The following DNAJC1 variants were observed in gnomAD, a reference collection of about 807,000 sequenced individuals.
DNAJC1 encodes dnaJ homolog subfamily C member 1.
A neutral mutation model predicts 76.6 loss-of-function variants in DNAJC1; 58 were observed. That is an observed-to-expected ratio of 0.76 (90% confidence interval 0.61 to 0.94). DNAJC1 has a LOEUF of 0.94. Among genes scored for constraint, DNAJC1 ranks in the 40% least tolerant of loss-of-function variants. DNAJC1 has a pLI of 0.00. For synonymous variants in DNAJC1, 258 were observed against 267.9 expected, an observed-to-expected ratio of 0.96 and a Z score of 0.36; for missense variants, 689 against 677.3, an observed-to-expected ratio of 1.02 and a Z score of -0.19.
At chr10:21,856,741 A>ATT (rs34547710) in intron 8 of DNAJC1, among the ~76,000 whole-genome samples, 1 of 149,132 alleles carries the variant, frequency 6.7e-6, no homozygotes. Context: ...AGAAAAAAAA[A>ATT]TTTTTTTTTT....
chr10:21,974,762 G>GA (rs1340377457), intron 1 of DNAJC1, among the ~76,000 whole-genome samples: 3 of 151,908 alleles, frequency 2.0e-5, no homozygotes, highest in Non-Finnish European at 4.4e-5. Context: ...TTAAAATGGA[G>GA]AAAAAACGAT....
rs921574824 is a variant in DNAJC1 at position 21,845,082 on chromosome 10, G to C, written c.978+37200C>G. On this transcript the variant is annotated intron_variant, in intron 8 of 11. Transcript: ENST00000376980. Reference sequence around the variant, plus strand: ...CACACAGATTTTTAAATTTCCCTACGGTGGAGAGATTGTCTGGGTTTGGTA... The same window carrying C: ...CACACAGATTTTTAAATTTCCCTACCGTGGAGAGATTGTCTGGGTTTGGTA... Among the ~76,000 whole-genome samples the C allele has an allele frequency of 2.0e-5, 3 of 152,068 alleles. No homozygotes were observed. The East Asian group carries it at 5.8e-4, about 29-fold the overall frequency.
At chr10:21,829,923 T>G (rs1375691298) in intron 8 of DNAJC1, among the ~76,000 whole-genome samples, 1 of 152,254 alleles carries the variant, frequency 6.6e-6, no homozygotes, top group East Asian at 1.9e-4. Flanking sequence ...CTCAATTGGC[T>G]TGGAAGTTCT....
At chr10:21,907,437 T>C (rs960441292) in intron 6 of DNAJC1, among the ~76,000 whole-genome samples, 2 of 152,112 alleles carry the variant, frequency 1.3e-5, no homozygotes, top group African/African-American at 4.8e-5. Flanking sequence ...CTCTACATTG[T>C]TTCAACCATC....
chr10:21,950,806 C>T lies in DNAJC1; in HGVS notation c.223-21665G>A, dbSNP rs541909696. Among the ~76,000 whole-genome samples, 106 of 152,196 alleles carry T rather than the reference C, an allele frequency of 7.0e-4. No homozygotes were observed. The Middle Eastern group carries it at 0.031, about 44-fold the overall frequency. ...CAAGATAAAACCAACCACAACATTC[C>T]CTTGAGCCAGAGCCTAATCCAGGGC... On this transcript the variant is annotated intron_variant, in intron 1 of 11. Transcript: ENST00000376980.
At chr10:21,910,829 AAGGAG>A (rs71393924) in intron 6 of DNAJC1, among the ~76,000 whole-genome samples, 1,924 of 48,826 alleles carry the variant, frequency 0.039, 29 homozygotes, top group African/African-American at 0.039. Flanking sequence ...GAAAGAAAGG[AAGGAG>A]AGGAGAGGAG....
chr10:21,988,926 C>A (rs1476482955), intron 1 of DNAJC1, among the ~76,000 whole-genome samples: 1 of 152,170 alleles, frequency 6.6e-6, no homozygotes, highest in Non-Finnish European at 1.5e-5. Flanking sequence ...CAGTTCAGGA[C>A]TCTCCTCTGG....
chr10:21,924,884 T>TG (rs1184285415), intron 3 of DNAJC1, among the ~76,000 whole-genome samples: 1 of 152,218 alleles, frequency 6.6e-6, no homozygotes, highest in Non-Finnish European at 1.5e-5. Context: ...TACTGAACAC[T>TG]GTAGGCAATT....
chr10:21,831,789 C>CAAAAAAAAA (rs141184526), intron 8 of DNAJC1, among the ~76,000 whole-genome samples: 1 of 111,396 alleles, frequency 9.0e-6, no homozygotes. Flanking sequence ...GACTCCATCT[C>CAAAAAAAAA]AAAAAAAAAA....
intron 1 of DNAJC1, among the ~76,000 whole-genome samples, chr10:21,946,389 T>A (rs1489818783): frequency 6.6e-6 from 1 of 152,046 alleles, no homozygotes; most frequent in Non-Finnish European, 1.5e-5. Context: ...TTCAATTTCC[T>A]TAATTACAGA....
At chr10:21,942,693 C>A (rs986509597) in intron 1 of DNAJC1, among the ~76,000 whole-genome samples, 1 of 151,270 alleles carries the variant, frequency 6.6e-6, no homozygotes, top group Admixed American at 6.6e-5. Flanking sequence ...GTAGTCCCAG[C>A]TACTCAGGAT....
At chr10:21,776,540 G>C (rs922356887) in intron 9 of DNAJC1, among the ~76,000 whole-genome samples, 1 of 152,054 alleles carries the variant, frequency 6.6e-6, no homozygotes, top group Non-Finnish European at 1.5e-5. Flanking sequence ...CAAATACAAG[G>C]CATGTTCTGT....
At chr10:21,970,344 G>A (rs1047281787) in intron 1 of DNAJC1, among the ~76,000 whole-genome samples, 4 of 151,702 alleles carry the variant, frequency 2.6e-5, no homozygotes, top group African/African-American at 7.3e-5. Context: ...TGTTAAAGGA[G>A]GTCAACAGTA....
intron 8 of DNAJC1, among the ~76,000 whole-genome samples, chr10:21,881,864 A>C (rs1283654469): frequency 2.0e-5 from 3 of 150,694 alleles, no homozygotes; most frequent in Non-Finnish European, 4.4e-5. Flanking sequence ...AAAAAAAAAA[A>C]AAAAAACCGG....
intron 8 of DNAJC1, among the ~76,000 whole-genome samples, chr10:21,815,082 C>T (rs1377344358): frequency 6.6e-6 from 1 of 152,172 alleles, no homozygotes; most frequent in Non-Finnish European, 1.5e-5. Flanking sequence ...AAAGAGCTCT[C>T]AAGATTGAAA....
chr10:21,916,361 C>A (rs908975335), intron 6 of DNAJC1, among the ~76,000 whole-genome samples: 4 of 151,954 alleles, frequency 2.6e-5, no homozygotes, highest in African/African-American at 9.7e-5. Flanking sequence ...TGGTAGCGGG[C>A]GCCTGTAGTC....
intron 1 of DNAJC1, among the ~76,000 whole-genome samples, chr10:21,961,171 C>G (rs1336453213): frequency 6.6e-6 from 1 of 152,154 alleles, no homozygotes; most frequent in Non-Finnish European, 1.5e-5. Context: ...AAGATAGTTC[C>G]TCAAAAAGTT....
At chr10:21,830,495 T>G (rs1835338796) in intron 8 of DNAJC1, among the ~76,000 whole-genome samples, 1 of 152,204 alleles carries the variant, frequency 6.6e-6, no homozygotes, top group Admixed American at 6.5e-5. Flanking sequence ...GTTTTCTCTC[T>G]GTGGTTAGTT....
intron 7 of DNAJC1, among the ~76,000 whole-genome samples, chr10:21,895,174 T>C (rs1275621767): frequency 1.3e-5 from 2 of 152,184 alleles, no homozygotes; most frequent in Non-Finnish European, 2.9e-5. Flanking sequence ...AAGTGCATGC[T>C]AAAGCATTAA....
Sources: gnomAD v4.1 joint callset for allele counts (sites outside exome capture counted in the v4.1 genomes callset) on GRCh38, gnomAD v4.1.1 for gene constraint, MANE v1.5 for transcripts, NCBI Gene and HGNC (gene_info 2026-07-23, HGNC 2026-07-21) for gene names.